SLC35G5: variants seen among roughly 807,000 people sequenced by gnomAD.
SLC35G5 encodes the protein acyl-malonyl condensing enzyme 1-like 2.
Under a neutral mutation model 17.6 loss-of-function variants are expected in SLC35G5, and 14 were observed. The observed-to-expected ratio is 0.79, with a 90% CI of 0.52 to 1.24. The LOEUF (loss-of-function observed/expected upper bound fraction) is 1.24. Among genes scored for constraint, SLC35G5 ranks in the 50% most tolerant of loss-of-function variants. The pLI, the probability that SLC35G5 is intolerant of heterozygous loss-of-function variation, is 0.00. For missense variants in SLC35G5, 541 were observed against 430.3 expected, an observed-to-expected ratio of 1.26 and a Z score of -2.28; for synonymous variants, 236 against 194.9, an observed-to-expected ratio of 1.21 and a Z score of -1.76.
At position 11,331,969 on chromosome 8, in the gene SLC35G5, C is replaced by A. The variant is rs775191323; in HGVS notation, c.863C>A (p.Ser288Tyr). The change falls in exon 1 of 1, where the codon TCC becomes TAC. Residue 288 changes from serine to tyrosine, a missense_variant. Coordinates refer to ENST00000382435, the MANE Select transcript of SLC35G5 (RefSeq NM_054028.2). ...HPALVCAVLH[S>Y]EVVVALILQY... ...GCCCTGGTGTGCGCTGTCCTGCATTCCGAGGTGGTTGTGGCCCTTATACTG... is the reference window on the plus strand; with the variant it reads ...GCCCTGGTGTGCGCTGTCCTGCATTACGAGGTGGTTGTGGCCCTTATACTG... 2.9e-5 allele frequency: 47 copies of A among 1,611,898 alleles called. No homozygotes were observed. The highest frequency in any genetic ancestry group is 3.7e-5 in the Non-Finnish European group (44 of 1,179,850).
chr8:11,331,660 C>T lies in SLC35G5; in HGVS notation c.554C>T (p.Thr185Ile), dbSNP rs142695788. The change falls in exon 1 of 1, where the codon ACA becomes ATA. Residue 185 changes from threonine (T) to isoleucine (I), a missense_variant. Thr to Ile is a moderately conservative substitution (Grantham distance 89). Coordinates refer to ENST00000382435, the MANE Select transcript of SLC35G5 (RefSeq NM_054028.2). ...CTCTGGACACTACAGGAGGGGACCACAGGTGTCTACACCACCCTGGGCTAT... is the reference window on the plus strand; with the variant it reads ...CTCTGGACACTACAGGAGGGGACCATAGGTGTCTACACCACCCTGGGCTAT... Reference protein sequence around the residue: ...PGLWTLQEGTTGVYTTLGYVQ... With the variant: ...PGLWTLQEGTIGVYTTLGYVQ... 11 of 1,612,132 alleles carry T rather than the reference C, an allele frequency of 6.8e-6. No homozygotes were observed. Among genetic ancestry groups the T allele is most frequent in the East Asian group, 4.5e-5 (2 of 44,872 alleles).
At position 11,331,744 on chromosome 8, in the gene SLC35G5, T is replaced by G; in HGVS notation, c.638T>G (p.Leu213Arg). ...LSLGLLVYRS[L>R]HFPSCLPTVA... ...CTGGGGCTTCTGGTCTATCGTTCTC[T>G]GCACTTTCCCTCCTGCCTCCCAACA... Residue 213 changes from leucine (L) to arginine (R), a missense_variant, in exon 1 of 1, where the codon CTG becomes CGG. Leu to Arg is a moderately radical substitution (Grantham distance 102). Coordinates refer to ENST00000382435, the MANE Select transcript of SLC35G5 (RefSeq NM_054028.2). 6.2e-7 allele frequency: 1 copy of G among 1,611,954 alleles called. No homozygotes were observed. Among genetic ancestry groups the G allele is most frequent in the Non-Finnish European group, 8.5e-7 (1 of 1,179,830 alleles).
chr8:11,331,654 G>A lies in SLC35G5; in HGVS notation c.548G>A (p.Gly183Glu). The A allele has an allele frequency of 1.9e-6, 3 of 1,611,714 alleles. No individual in the cohort carries two copies. Among genetic ancestry groups the A allele is most frequent in the Non-Finnish European group, 2.5e-6 (3 of 1,179,598 alleles). The part of the protein sequence containing the change: ...LGPGLWTLQE[G>E]TTGVYTTLGY... The stretch of plus-strand genomic sequence containing the variant: ...CCTGGACTCTGGACACTACAGGAGG[G>A]GACCACAGGTGTCTACACCACCCTG... The change falls in exon 1 of 1, where the codon GGG becomes GAG. Residue 183 changes from glycine (G) to glutamate (E), a missense_variant. Transcript: ENST00000382435.
Position 11,331,493 on chromosome 8 carries a change from C to T in SLC35G5, c.387C>T (p.Asn129=), listed in dbSNP as rs142134570. The part of the protein sequence containing the change: ...YSAVQVVPAG[N]AATVRKGSST... ...CAGTTCAGGTGGTGCCCGCTGGCAA[C>T]GCTGCCACTGTTCGCAAAGGTTCTT... is the stretch of plus-strand genomic sequence containing the variant. The change falls in exon 1 of 1, where the codon AAC becomes AAT. Residue 129 remains asparagine (N), a synonymous_variant. Coordinates refer to ENST00000382435, the MANE Select transcript of SLC35G5 (RefSeq NM_054028.2). 469 of 1,613,948 alleles carry T rather than the reference C, an allele frequency of 2.9e-4. 2 individuals carry two copies. The highest frequency in any genetic ancestry group is 2.5e-4 in the Admixed American group (15 of 60,018).
In SLC35G5 at chr8:11,331,912, G is replaced by T. The variant is rs574356744; in HGVS notation, c.806G>T (p.Cys269Phe). The part of the protein sequence containing the change: ...EGILALVSFT[C>F]VGYAVTKAHP... ...ATCCTCGCCTTGGTCTCCTTCACATGTGTGGGCTATGCGGTCACCAAGGCC... is the reference window on the plus strand; with the variant it reads ...ATCCTCGCCTTGGTCTCCTTCACATTTGTGGGCTATGCGGTCACCAAGGCC... Residue 269 changes from cysteine to phenylalanine, a missense_variant, in exon 1 of 1, where the codon TGT becomes TTT. Transcript: ENST00000382435. 6 of 1,611,930 alleles carry T rather than the reference G, an allele frequency of 3.7e-6. No homozygotes were observed. The African/African-American group carries it at 6.7e-5, about 18-fold the overall frequency.
Sources: allele counts gnomAD v4.1 joint callset, GRCh38; gene constraint gnomAD v4.1.1; transcripts MANE v1.5; gene names NCBI Gene and HGNC (gene_info 2026-07-23, HGNC 2026-07-21).